The following SHISA9 variants were observed in gnomAD, a reference collection of about 807,000 sequenced individuals.
SHISA9 encodes the protein shisa family member 9, also known as protein shisa-9.
A neutral mutation model predicts 38.0 loss-of-function variants in SHISA9; 13 were observed. The observed-to-expected ratio is 0.34, with a 90% CI of 0.22 to 0.54. The LOEUF (loss-of-function observed/expected upper bound fraction) is 0.54, where lower values mean the gene tolerates loss of function less well. SHISA9 is among the 20% of genes least tolerant of loss of function. SHISA9 has a pLI of 0.91. For synonymous variants in SHISA9, 275 were observed against 242.0 expected (o/e 1.14, Z -1.27); for missense variants, 538 against 575.8 (o/e 0.93, Z 0.67).
At chr16:13,409,147 G>T in the SHISA9 span, among the ~76,000 whole-genome samples, 2 of 152,040 alleles carry the variant, frequency 1.3e-5, no homozygotes, top group Non-Finnish European at 2.9e-5. Flanking sequence ...GAGGAGTTTG[G>T]CTGGGGGTAG....
the SHISA9 span, among the ~76,000 whole-genome samples, chr16:13,267,061 C>G: frequency 3.9e-5 from 6 of 152,114 alleles, no homozygotes; most frequent in African/African-American, 1.4e-4. Flanking sequence ...GATAAAATCA[C>G]AAAATAAAAG....
the SHISA9 span, among the ~76,000 whole-genome samples, chr16:13,278,518 A>G: frequency 8.5e-5 from 13 of 152,088 alleles, no homozygotes; most frequent in Admixed American, 3.3e-4. Flanking sequence ...AATGTCTGGC[A>G]GGATTCTGCT....
At chr16:13,254,156 A>G in the SHISA9 span, among the ~76,000 whole-genome samples, 1,400 of 152,280 alleles carry the variant, frequency 9.2e-3, 22 homozygotes, top group African/African-American at 0.032. Flanking sequence ...AAAGTCTACT[A>G]TGTGCCAGGC....
the SHISA9 span, among the ~76,000 whole-genome samples, chr16:13,291,569 C>G: frequency 6.6e-6 from 1 of 152,078 alleles, no homozygotes; most frequent in South Asian, 2.1e-4. Flanking sequence ...AGGGAGGAAT[C>G]TTAAGAGAGA....
At chr16:13,100,266 C>T (rs756047480) in intron 2 of SHISA9, among the ~76,000 whole-genome samples, 18 of 152,380 alleles carry the variant, frequency 1.2e-4, no homozygotes, top group Middle Eastern at 6.8e-3. Flanking sequence ...GGCAAGCATA[C>T]ACCCAGTTTA....
intron 2 of SHISA9, among the ~76,000 whole-genome samples, chr16:13,096,470 C>T (rs56931019): frequency 0.024 from 3,583 of 152,238 alleles, 145 homozygotes; most frequent in African/African-American, 0.082. Flanking sequence ...AGGCATTCAA[C>T]CTAGCTGGGG....
intron 2 of SHISA9, among the ~76,000 whole-genome samples, chr16:12,982,337 G>T (rs569221575): frequency 2.6e-5 from 4 of 152,348 alleles, no homozygotes; most frequent in African/African-American, 9.6e-5. Context: ...CACAGCTAGT[G>T]ATTGCCATAG....
intron 2 of SHISA9, among the ~76,000 whole-genome samples, chr16:13,147,554 G>T (rs150065): frequency 2.0e-5 from 3 of 150,492 alleles, no homozygotes; most frequent in African/African-American, 7.4e-5. Context: ...ACCTCCGCCT[G>T]CAGGCTCAAA....
At chr16:12,956,362 A>T (rs527574474) in intron 2 of SHISA9, among the ~76,000 whole-genome samples, 2 of 152,258 alleles carry the variant, frequency 1.3e-5, no homozygotes, top group Non-Finnish European at 2.9e-5. Context: ...CATTTGACCC[A>T]GCAATAACAC....
chr16:13,273,921 C>T, the SHISA9 span, among the ~76,000 whole-genome samples: 1 of 152,102 alleles, frequency 6.6e-6, no homozygotes, highest in Non-Finnish European at 1.5e-5. Context: ...CTCCCAGGGC[C>T]ATCAGAGAGT....
chr16:13,211,594 AT>A (rs1397981090), intron 3 of SHISA9, among the ~76,000 whole-genome samples: 1 of 152,134 alleles, frequency 6.6e-6, no homozygotes, highest in Non-Finnish European at 1.5e-5. Flanking sequence ...CCCTCAAAGT[AT>A]TTTTCTAATG....
intron 2 of SHISA9, among the ~76,000 whole-genome samples, chr16:12,929,759 C>T (rs1016647700): frequency 5.3e-5 from 8 of 151,764 alleles, no homozygotes; most frequent in African/African-American, 1.9e-4. Flanking sequence ...TGTAAAAAAG[C>T]CCTGCACATC....
chr16:13,233,837 C>G (rs1003170706), intron 4 of SHISA9, among the ~76,000 whole-genome samples: 1 of 152,042 alleles, frequency 6.6e-6, no homozygotes, highest in Non-Finnish European at 1.5e-5. Context: ...ATGGTGAAAC[C>G]TCATTTCTAC....
the SHISA9 span, among the ~76,000 whole-genome samples, chr16:13,353,680 G>T: frequency 1.3e-5 from 2 of 152,298 alleles, no homozygotes; most frequent in East Asian, 3.9e-4. Context: ...GCTGTACCCT[G>T]TAGCATTCTG....
chr16:13,554,172 T>G, the SHISA9 span, among the ~76,000 whole-genome samples: 1 of 152,078 alleles, frequency 6.6e-6, no homozygotes, highest in Non-Finnish European at 1.5e-5. Flanking sequence ...CAGAGTCTCT[T>G]CCTCACCTCC....
intron 2 of SHISA9, among the ~76,000 whole-genome samples, chr16:13,081,514 GAC>G (rs1315052148): frequency 6.6e-6 from 1 of 151,996 alleles, no homozygotes; most frequent in Non-Finnish European, 1.5e-5. Flanking sequence ...AGGGAAGTTA[GAC>G]ATTGTGGCAA....
chr16:13,355,397 C>G, the SHISA9 span, among the ~76,000 whole-genome samples: 795 of 151,502 alleles, frequency 5.2e-3, 3 homozygotes, highest in Non-Finnish European at 8.6e-3. Context: ...GTAGAGGTAT[C>G]TTATACTTGT....
chr16:13,519,705 A>C, the SHISA9 span, among the ~76,000 whole-genome samples: 1 of 152,308 alleles, frequency 6.6e-6, no homozygotes. Context: ...TCATGACAGA[A>C]GAGAAAGAAT....
At chr16:13,428,750 A>G in the SHISA9 span, among the ~76,000 whole-genome samples, 1 of 149,338 alleles carries the variant, frequency 6.7e-6, no homozygotes, top group Admixed American at 6.9e-5. Context: ...GGGGACACTC[A>G]AATTTTATTT....
Sources: gnomAD v4.1 joint callset for allele counts (sites outside exome capture counted in the v4.1 genomes callset) on GRCh38, gnomAD v4.1.1 for gene constraint, MANE v1.5 for transcripts, NCBI Gene and HGNC (gene_info 2026-07-23, HGNC 2026-07-21) for gene names.